ASIC4: variants seen among roughly 807,000 people sequenced by gnomAD.
ASIC4 encodes the protein acid sensing ion channel subunit family member 4.
A neutral mutation model predicts 53.4 loss-of-function variants in ASIC4; 28 were observed. The observed-to-expected ratio is 0.52, with a 90% CI of 0.39 to 0.72. ASIC4 has a LOEUF of 0.72. ASIC4 is among the 30% of genes least tolerant of loss of function. The pLI is 0.00. For missense variants in ASIC4, 649 were observed against 729.7 expected (o/e 0.89, Z 1.27); for synonymous variants, 289 against 301.4 (o/e 0.96, Z 0.43).
chr2:219,510,693 G>C (rs1694688873), upstream of ASIC4, among the ~76,000 whole-genome samples: 1 of 152,164 alleles, frequency 6.6e-6, no homozygotes, highest in Admixed American at 6.5e-5. The surrounding 1 kb of genome is among the most constrained non-coding windows in gnomAD (Gnocchi z 5.2). Flanking sequence ...GGAAGTGTTG[G>C]TATGAAACTC....
intron 1 of ASIC4, among the ~76,000 whole-genome samples, chr2:219,523,086 C>G (rs1694913659): frequency 6.6e-6 from 1 of 152,132 alleles, no homozygotes; most frequent in African/African-American, 2.4e-5. Context: ...ACCGTCCCCG[C>G]CGCCTCTTTC....
intron 1 of ASIC4, among the ~76,000 whole-genome samples, chr2:219,523,734 A>G (rs1694924068): frequency 6.6e-6 from 1 of 152,216 alleles, no homozygotes. Context: ...GATCACAACT[A>G]GTAACAATTT....
At chr2:219,535,046 C>T (rs1695105235) in intron 5 of ASIC4, 125 bp from the exon 6 acceptor site, 4 of 1,388,576 alleles carry the variant, frequency 2.9e-6, no homozygotes, top group Non-Finnish European at 3.9e-6. Flanking sequence ...TGGGGCTGGC[C>T]AGTAAAGGCC....
At chr2:219,515,414 A>C (rs1238484814) in intron 1 of ASIC4, 108 bp downstream of exon 1, 1 of 1,355,976 alleles carries the variant, frequency 7.4e-7, no homozygotes, top group Non-Finnish European at 9.9e-7. Flanking sequence ...GCTTCCCTTC[A>C]TTCCACCACC....
At chr2:219,534,795 A>G (rs1276408607) in intron 5 of ASIC4, among the ~76,000 whole-genome samples, 1 of 151,182 alleles carries the variant, frequency 6.6e-6, no homozygotes, top group Non-Finnish European at 1.5e-5. Context: ...CCATCCATCC[A>G]TCCATCCATC....
rs918860615 is a variant in ASIC4 at position 219,516,514 on chromosome 2, C to T, written c.582+1208C>T. On this transcript the variant is annotated intron_variant, in intron 1 of 9. Coordinates refer to ENST00000358078, the MANE Select transcript of ASIC4 (RefSeq NM_018674.6). This position sits in a 1 kb window ranked among gnomAD's most constrained non-coding sequence, Gnocchi z 4.9. ...CAGGGTATCTAGTATTCATGGCGCTCGAGATGCTTGTCCCTAGTCCACAGT... is the reference window on the plus strand; with the variant it reads ...CAGGGTATCTAGTATTCATGGCGCTTGAGATGCTTGTCCCTAGTCCACAGT... Among the ~76,000 whole-genome samples the T allele has an allele frequency of 1.3e-5, 2 of 151,888 alleles. No individual in the cohort carries two copies. Among genetic ancestry groups the T allele is most frequent in the African/African-American group, 4.8e-5 (2 of 41,304 alleles).
chr2:219,537,254 G>T lies in ASIC4; in HGVS notation c.1334G>T (p.Gly445Val), dbSNP rs1185270848. 1.5e-5 allele frequency: 25 copies of T among 1,613,792 alleles called. No individual in the cohort carries two copies. The highest frequency in any genetic ancestry group is 1.9e-5 in the Non-Finnish European group (23 of 1,179,864). ...GLSALLGDLG[G>V]QMGLFIGASI... ...TCCTGCTTCCCAGGAGACCTCGGGG[G>T]ACAGATGGGCCTGTTCATTGGGGCC... The change falls in exon 8 of 10, where the codon GGA becomes GTA. Residue 445 changes from glycine to valine, a missense_variant. Physicochemically the swap from Gly to Val is moderately radical, Grantham distance 109. Coordinates refer to ENST00000358078, the MANE Select transcript of ASIC4 (RefSeq NM_018674.6). This position sits in a 1 kb window ranked among gnomAD's most constrained non-coding sequence, Gnocchi z 4.9.
rs1380933652 is a variant in ASIC4, at chr2:219,536,680, G to T, written c.1230-386G>T. On this transcript the variant is annotated intron_variant, in intron 6 of 9. Coordinates refer to ENST00000358078, the MANE Select transcript of ASIC4 (RefSeq NM_018674.6). The surrounding 1 kb of genome is among the most constrained non-coding windows in gnomAD (Gnocchi z 4.6). ...GAAAAGACGGCGGCTGGGGAGGAAG[G>T]TGCCGGGGACAGGCCACCGGCTGCC... Among the ~76,000 whole-genome samples, 2 of 152,170 alleles carry T rather than the reference G, an allele frequency of 1.3e-5. No homozygotes were observed. The highest frequency in any genetic ancestry group is 3.4e-3 in the Middle Eastern group (1 of 294).
chr2:219,531,644 C>T (rs572232670), intron 1 of ASIC4, 114 bp from the exon 2 acceptor site: 25 of 1,206,082 alleles, frequency 2.1e-5, no homozygotes, highest in East Asian at 1.9e-4. Flanking sequence ...TGCTAGGATA[C>T]GGGACTGGAG....
In ASIC4 at chr2:219,537,901, C is replaced by T. The variant is rs1695171827; in HGVS notation, c.1507-32C>T. Reference sequence around the variant, plus strand: ...CCTGGGGGCACCACTTGAGCTCTCCCGGTCCCACTCTCTCTTTTCTTTCTC... The same window carrying T: ...CCTGGGGGCACCACTTGAGCTCTCCTGGTCCCACTCTCTCTTTTCTTTCTC... On this transcript the variant is annotated intron_variant, in intron 9 of 9. Coordinates refer to ENST00000358078, the MANE Select transcript of ASIC4 (RefSeq NM_018674.6). The surrounding 1 kb of genome is among the most constrained non-coding windows in gnomAD (Gnocchi z 4.9). 2 of 1,555,348 alleles carry T rather than the reference C, an allele frequency of 1.3e-6. No homozygotes were observed. The highest frequency in any genetic ancestry group is 1.2e-5 in the South Asian group (1 of 84,950).
chr2:219,521,710 TCAGG>T (rs1694887298), intron 1 of ASIC4, among the ~76,000 whole-genome samples: 2 of 113,546 alleles, frequency 1.8e-5, no homozygotes, highest in African/African-American at 4.2e-5. Context: ...GAGGCCGGCC[TCAGG>T]CTGCCTCTGA....
chr2:219,515,122 T>C lies in ASIC4; in HGVS notation c.398T>C (p.Ile133Thr), dbSNP rs755757405. The change falls in exon 1 of 10, where the codon ATC becomes ACC. Residue 133 changes from isoleucine (I) to threonine (T), a missense_variant. Ile to Thr is a moderately conservative substitution (Grantham distance 89). Transcript: ENST00000358078. Reference protein sequence around the residue: ...FRHSALSDADIFHLANLTGLP... With the variant: ...FRHSALSDADTFHLANLTGLP... ...CATTCGGCACTCAGCGATGCCGACA[T>C]CTTCCACCTGGCCAATCTGACAGGG... 1 of 1,614,120 alleles carries C rather than the reference T, an allele frequency of 6.2e-7. No homozygotes were observed. The highest frequency in any genetic ancestry group is 1.7e-5 in the Admixed American group (1 of 60,032).
chr2:219,510,162 C>G (rs1694682986), upstream of ASIC4, among the ~76,000 whole-genome samples: 1 of 152,062 alleles, frequency 6.6e-6, no homozygotes, highest in Non-Finnish European at 1.5e-5. The surrounding 1 kb of genome is among the most constrained non-coding windows in gnomAD (Gnocchi z 5.2). Context: ...TCTCCTTGGC[C>G]CTAGTGTCTT....
chr2:219,536,928 G>C lies in ASIC4; in HGVS notation c.1230-138G>C. 2.8e-6 allele frequency: 2 copies of C among 712,282 alleles called. No homozygotes were observed. Among genetic ancestry groups the C allele is most frequent in the Non-Finnish European group, 4.8e-6 (2 of 419,654 alleles). The allele number at this position is 712,282 out of a possible 1,614,324, so 44.1% of individuals were successfully genotyped here. ...ACATCCGGGACTGCCTCCCCTCACA[G>C]CCTTGGGGAGTCCGGGGGGTAGTCA... On this transcript the variant is annotated intron_variant, in intron 6 of 9. Coordinates refer to ENST00000358078, the MANE Select transcript of ASIC4 (RefSeq NM_018674.6). The surrounding 1 kb of genome is among the most constrained non-coding windows in gnomAD (Gnocchi z 4.6).
intron 1 of ASIC4, among the ~76,000 whole-genome samples, chr2:219,525,169 A>C (rs1296005495): frequency 6.6e-6 from 1 of 152,204 alleles, no homozygotes; most frequent in Non-Finnish European, 1.5e-5. Context: ...ATCCATTTCC[A>C]GCACCACATA....
At chr2:219,528,755 G>C (rs141877220) in intron 1 of ASIC4, among the ~76,000 whole-genome samples, 2,629 of 152,202 alleles carry the variant, frequency 0.017, 79 homozygotes, top group African/African-American at 0.059. Context: ...GGTCAGGCTG[G>C]TCTTGAACTC....
At chr2:219,514,180 C>A, upstream of ASIC4, 1 of 844,372 alleles carries the variant, frequency 1.2e-6, no homozygotes, top group Non-Finnish European at 1.8e-6. Flanking sequence ...ACCCAGTGAG[C>A]GGCTAGGGTG....
chr2:219,519,581 G>A (rs546301911), intron 1 of ASIC4, among the ~76,000 whole-genome samples: 1 of 152,348 alleles, frequency 6.6e-6, no homozygotes, highest in African/African-American at 2.4e-5. Context: ...TGATGGACAC[G>A]CTCTGCACCT....
intron 5 of ASIC4, among the ~76,000 whole-genome samples, chr2:219,534,226 C>T (rs973147376): frequency 6.6e-6 from 1 of 152,184 alleles, no homozygotes; most frequent in Non-Finnish European, 1.5e-5. Context: ...ACTGGGCAGC[C>T]ACACACATCC....
Sources: allele counts gnomAD v4.1 joint callset (sites outside exome capture counted in the v4.1 genomes callset), GRCh38; gene constraint gnomAD v4.1.1; non-coding constraint Gnocchi (gnomAD v3.1); transcripts MANE v1.5; gene names NCBI Gene and HGNC (gene_info 2026-07-23, HGNC 2026-07-21).